The following PALM2AKAP2 variants were observed in gnomAD, a reference collection of about 807,000 sequenced individuals.
The protein encoded by PALM2AKAP2 is PALM2-AKAP2 fusion protein.
PALM2AKAP2 carries 37 observed loss-of-function variants against 71.5 expected under a neutral mutation model. The observed-to-expected ratio is 0.52, with a 90% CI of 0.40 to 0.68. The LOEUF (loss-of-function observed/expected upper bound fraction) is 0.68, where lower values mean the gene tolerates loss of function less well. Ranked by LOEUF, PALM2AKAP2 falls within the 30% of genes least tolerant of loss-of-function variation. The pLI, the probability that PALM2AKAP2 is intolerant of heterozygous loss-of-function variation, is 0.00. For synonymous variants in PALM2AKAP2, 468 were observed against 478.8 expected, an observed-to-expected ratio of 0.98 and a Z score of 0.29; for missense variants, 1,224 against 1,191.8, an observed-to-expected ratio of 1.03 and a Z score of -0.40.
At chr9:109,951,072 C>T (rs11506881) in intron 6 of PALM2AKAP2, among the ~76,000 whole-genome samples, 1 of 152,224 alleles carries the variant, frequency 6.6e-6, no homozygotes, top group South Asian at 2.1e-4. Context: ...ACATTCTTTC[C>T]TGCTCTCAAG....
intron 1 of PALM2AKAP2, among the ~76,000 whole-genome samples, chr9:109,677,016 C>G (rs989183543): frequency 6.6e-6 from 1 of 151,608 alleles, no homozygotes; most frequent in Non-Finnish European, 1.5e-5. Flanking sequence ...ATGAGAGGGC[C>G]GAAATAAGGG....
intron 1 of PALM2AKAP2, among the ~76,000 whole-genome samples, chr9:109,833,557 T>G (rs1360681776): frequency 6.6e-6 from 1 of 152,060 alleles, no homozygotes; most frequent in Non-Finnish European, 1.5e-5. Flanking sequence ...CAGCTTCTGG[T>G]CTGTGGGCTC....
intron 1 of PALM2AKAP2, among the ~76,000 whole-genome samples, chr9:109,665,078 G>T (rs756182819): frequency 2.6e-5 from 4 of 152,042 alleles, no homozygotes. Context: ...CTAGTTAGTC[G>T]TTCATCTAAT....
chr9:109,758,900 G>A (rs1397209991), intron 1 of PALM2AKAP2, among the ~76,000 whole-genome samples: 3 of 152,080 alleles, frequency 2.0e-5, no homozygotes, highest in African/African-American at 7.2e-5. Flanking sequence ...GGGGTATAAT[G>A]TGAGATAGTG....
chr9:109,642,319 A>G (rs1345625661), intron 1 of PALM2AKAP2, among the ~76,000 whole-genome samples: 1 of 151,958 alleles, frequency 6.6e-6, no homozygotes, highest in East Asian at 1.9e-4. Context: ...TTTTGTGAAC[A>G]TTAAGGAAGT....
intron 1 of PALM2AKAP2, among the ~76,000 whole-genome samples, chr9:109,845,837 T>G (rs1828838352): frequency 6.6e-6 from 1 of 152,184 alleles, no homozygotes. Context: ...AGGTGCATGC[T>G]ACCACACCCA....
intron 1 of PALM2AKAP2, chr9:109,866,933 A>G (rs1390849047): frequency 2.3e-6 from 1 of 430,680 alleles, no homozygotes; most frequent in Non-Finnish European, 4.7e-6. Context: ...GTGGCAGCAA[A>G]TATAACCCAT....
At chr9:109,648,217 G>A (rs1314925806) in intron 1 of PALM2AKAP2, among the ~76,000 whole-genome samples, 1 of 152,208 alleles carries the variant, frequency 6.6e-6, no homozygotes, top group East Asian at 1.9e-4. Context: ...GCAGAACTGT[G>A]AGTCAATAAA....
At chr9:109,890,644 G>T (rs2131810009) in intron 3 of PALM2AKAP2, among the ~76,000 whole-genome samples, 1 of 152,338 alleles carries the variant, frequency 6.6e-6, no homozygotes, top group East Asian at 1.9e-4. Context: ...ACTAAGAGAT[G>T]ACTTAGGTTT....
intron 1 of PALM2AKAP2, among the ~76,000 whole-genome samples, chr9:110,112,605 G>T (rs931613808): frequency 1.3e-5 from 2 of 152,226 alleles, no homozygotes; most frequent in African/African-American, 4.8e-5. Flanking sequence ...CCCATTTAGA[G>T]TATATGATAA....
chr9:110,091,562 A>G (rs1333254491), intron 1 of PALM2AKAP2, among the ~76,000 whole-genome samples: 2 of 138,768 alleles, frequency 1.4e-5, no homozygotes, highest in Non-Finnish European at 3.0e-5. Context: ...TCCCGGGTTC[A>G]TGCCATTCTC....
intron 3 of PALM2AKAP2, among the ~76,000 whole-genome samples, chr9:109,902,900 G>A (rs913816972): frequency 2.0e-5 from 3 of 152,138 alleles, no homozygotes; most frequent in Admixed American, 6.5e-5. Context: ...CATAAGTGCC[G>A]GTCCCTACTC....
At chr9:110,093,806 A>G (rs554353816) in intron 1 of PALM2AKAP2, among the ~76,000 whole-genome samples, 2 of 152,282 alleles carry the variant, frequency 1.3e-5, no homozygotes, top group Non-Finnish European at 2.9e-5. Context: ...CCCGTTGACC[A>G]GACTCATCTT....
chr9:109,854,957 G>C (rs1829122911), intron 1 of PALM2AKAP2, among the ~76,000 whole-genome samples: 1 of 151,702 alleles, frequency 6.6e-6, no homozygotes, highest in African/African-American at 2.4e-5. Context: ...TTTTAGTAGG[G>C]ACAGGGTTTC....
At chr9:109,923,067 A>G (rs1830873469) in intron 3 of PALM2AKAP2, among the ~76,000 whole-genome samples, 1 of 152,230 alleles carries the variant, frequency 6.6e-6, no homozygotes, top group Non-Finnish European at 1.5e-5. Flanking sequence ...ACTTTCCCCA[A>G]ATCATAGCTG....
intron 1 of PALM2AKAP2, among the ~76,000 whole-genome samples, chr9:110,097,697 G>A (rs1167743156): frequency 6.8e-6 from 1 of 146,178 alleles, no homozygotes; most frequent in Non-Finnish European, 1.5e-5. Context: ...AGGCAGAGGG[G>A]CTCCTCACAT....
chr9:109,932,628 G>A (rs1026782319), intron 6 of PALM2AKAP2, among the ~76,000 whole-genome samples: 2 of 152,208 alleles, frequency 1.3e-5, no homozygotes, highest in Non-Finnish European at 2.9e-5. Flanking sequence ...TGAGTGTTGA[G>A]TGTAGGGAGA....
intron 1 of PALM2AKAP2, among the ~76,000 whole-genome samples, chr9:109,742,055 T>A (rs1014890133): frequency 6.6e-6 from 1 of 152,182 alleles, no homozygotes; most frequent in African/African-American, 2.4e-5. Context: ...GAACTACATC[T>A]TGCTTTTATT....
chr9:110,080,581 C>T (rs1268856066), intron 1 of PALM2AKAP2, among the ~76,000 whole-genome samples: 1 of 152,174 alleles, frequency 6.6e-6, no homozygotes, highest in Non-Finnish European at 1.5e-5. Context: ...GTAGAAATTG[C>T]TGTCAGCCAA....
Sources: allele counts gnomAD v4.1 joint callset (sites outside exome capture counted in the v4.1 genomes callset), GRCh38; gene constraint gnomAD v4.1.1; transcripts MANE v1.5; gene names NCBI Gene and HGNC (gene_info 2026-07-23, HGNC 2026-07-21).